The following RGS7 variants were observed in gnomAD, a reference collection of about 807,000 sequenced individuals.
The protein encoded by RGS7 is regulator of G protein signaling 7.
Under a neutral mutation model 81.1 loss-of-function variants are expected in RGS7, and 27 were observed. That is an observed-to-expected ratio of 0.33 (90% CI 0.25 to 0.46). The LOEUF (loss-of-function observed/expected upper bound fraction) is 0.46, where lower values mean the gene tolerates loss of function less well. Ranked by LOEUF, RGS7 falls within the 20% of genes least tolerant of loss-of-function variation. RGS7 has a pLI of 1.00. For missense variants in RGS7, 396 were observed against 607.4 expected, an observed-to-expected ratio of 0.65 and a Z score of 3.66; for synonymous variants, 208 against 207.7, an observed-to-expected ratio of 1.00 and a Z score of -0.01.
chr1:240,824,706 C>A (rs970443150), intron 10 of RGS7, among the ~76,000 whole-genome samples: 1 of 152,168 alleles, frequency 6.6e-6, no homozygotes, highest in Non-Finnish European at 1.5e-5. Flanking sequence ...TGTCCCCTCC[C>A]CTAAATTCTT....
chr1:240,837,769 A>G (rs1034181223), intron 9 of RGS7, among the ~76,000 whole-genome samples: 4 of 152,248 alleles, frequency 2.6e-5, no homozygotes, highest in African/African-American at 9.6e-5. Flanking sequence ...TTTTTTACAC[A>G]GTGCTATTGT....
intron 3 of RGS7, among the ~76,000 whole-genome samples, chr1:241,024,355 G>A (rs2059683882): frequency 6.6e-6 from 1 of 152,110 alleles, no homozygotes; most frequent in Admixed American, 6.5e-5. Flanking sequence ...CTGTATCCTT[G>A]GGAGATCACA....
chr1:241,294,889 C>A (rs964437443), intron 2 of RGS7, among the ~76,000 whole-genome samples: 1 of 152,116 alleles, frequency 6.6e-6, no homozygotes, highest in African/African-American at 2.4e-5. Flanking sequence ...TGTAAGTACA[C>A]GCTATGGTGT....
intron 5 of RGS7, among the ~76,000 whole-genome samples, chr1:240,934,914 A>G (rs1676355898): frequency 1.3e-5 from 1 of 78,728 alleles, no homozygotes; most frequent in Non-Finnish European, 2.2e-5. Context: ...TTTGAGACTG[A>G]GTCTCGCTCT....
chr1:241,138,399 C>G (rs1449217185), intron 2 of RGS7, among the ~76,000 whole-genome samples: 1 of 152,034 alleles, frequency 6.6e-6, no homozygotes, highest in Non-Finnish European at 1.5e-5. Flanking sequence ...GATCAGGAAC[C>G]AGCTGAACAC....
At chr1:241,215,110 T>C (rs2074469661) in intron 2 of RGS7, among the ~76,000 whole-genome samples, 1 of 152,190 alleles carries the variant, frequency 6.6e-6, no homozygotes, top group African/African-American at 2.4e-5. Flanking sequence ...CTGTGGATGA[T>C]TCATTGTAAA....
At chr1:241,044,738 CTGT>C (rs1311603938) in intron 3 of RGS7, among the ~76,000 whole-genome samples, 4 of 152,184 alleles carry the variant, frequency 2.6e-5, no homozygotes, top group African/African-American at 9.6e-5. Context: ...TGACTTGTTT[CTGT>C]TGTTGTTTTG....
chr1:241,237,833 A>C (rs1206056399), intron 2 of RGS7, among the ~76,000 whole-genome samples: 2 of 152,320 alleles, frequency 1.3e-5, no homozygotes, highest in African/African-American at 4.8e-5. Flanking sequence ...GAAAGCTGTC[A>C]GTGCAGCTTT....
chr1:240,829,909 A>G (rs1693538677), intron 9 of RGS7, among the ~76,000 whole-genome samples: 1 of 152,190 alleles, frequency 6.6e-6, no homozygotes, highest in Admixed American at 6.5e-5. Context: ...TATCCAGGAA[A>G]AGGAAAGCAT....
At chr1:241,110,654 T>C (rs1313693158) in intron 2 of RGS7, among the ~76,000 whole-genome samples, 1 of 151,140 alleles carries the variant, frequency 6.6e-6, no homozygotes, top group African/African-American at 2.4e-5. Flanking sequence ...TTTTATTTTA[T>C]TTTATTTTAT....
At chr1:241,121,182 A>G (rs184658896) in intron 2 of RGS7, among the ~76,000 whole-genome samples, 2 of 152,308 alleles carry the variant, frequency 1.3e-5, no homozygotes, top group African/African-American at 2.4e-5. Flanking sequence ...CAAATTGTAA[A>G]ATATTGGGTG....
At chr1:241,335,098 T>C (rs2148671587) in intron 2 of RGS7, among the ~76,000 whole-genome samples, 1 of 152,308 alleles carries the variant, frequency 6.6e-6, no homozygotes, top group East Asian at 1.9e-4. Context: ...CTGATCCCAC[T>C]TGTAAAGGGG....
At chr1:241,110,198 G>A (rs779691456) in intron 2 of RGS7, among the ~76,000 whole-genome samples, 38 of 152,046 alleles carry the variant, frequency 2.5e-4, no homozygotes, top group Non-Finnish European at 3.4e-4. Flanking sequence ...GTTAATGAAC[G>A]AAATTGTTTA....
chr1:241,270,131 G>A (rs1362947380), intron 2 of RGS7, among the ~76,000 whole-genome samples: 1 of 152,106 alleles, frequency 6.6e-6, no homozygotes, highest in African/African-American at 2.4e-5. Flanking sequence ...AAGACCTGGT[G>A]CCAGCTCTGC....
chr1:240,905,366 C>A (rs1572692814), intron 6 of RGS7, among the ~76,000 whole-genome samples: 1 of 152,194 alleles, frequency 6.6e-6, no homozygotes, highest in East Asian at 1.9e-4. Context: ...ATCTTCAATA[C>A]AGAGAATAGA....
intron 2 of RGS7, among the ~76,000 whole-genome samples, chr1:241,334,847 G>A (rs2082158408): frequency 7.4e-6 from 1 of 135,728 alleles, no homozygotes; most frequent in Non-Finnish European, 1.5e-5. Flanking sequence ...ATCATTAATT[G>A]TGTTACACTA....
chr1:241,039,364 C>T (rs909800446), intron 3 of RGS7, among the ~76,000 whole-genome samples: 2 of 152,150 alleles, frequency 1.3e-5, no homozygotes, highest in East Asian at 1.9e-4. Flanking sequence ...CGCCATATCT[C>T]GTTCTGACAG....
chr1:241,262,917 GGTGAAACGCC>G (rs1415835483), intron 2 of RGS7, among the ~76,000 whole-genome samples: 2 of 152,082 alleles, frequency 1.3e-5, no homozygotes, highest in Non-Finnish European at 2.9e-5. Context: ...TGGCCAACAT[GGTGAAACGCC>G]GTCTCTACTA....
At chr1:241,285,100 G>A (rs2078737728) in intron 2 of RGS7, among the ~76,000 whole-genome samples, 1 of 152,126 alleles carries the variant, frequency 6.6e-6, no homozygotes, top group African/African-American at 2.4e-5. Context: ...TCGATCTCCT[G>A]ACTTCGTGAT....
Sources: gnomAD v4.1 joint callset for allele counts (sites outside exome capture counted in the v4.1 genomes callset) on GRCh38, gnomAD v4.1.1 for gene constraint, MANE v1.5 for transcripts, NCBI Gene and HGNC (gene_info 2026-07-23, HGNC 2026-07-21) for gene names.